The following KAZN variants were observed in gnomAD, a reference collection of about 807,000 sequenced individuals.
KAZN encodes the protein kazrin.
In KAZN, 40 loss-of-function variants were observed where a neutral mutation model predicts 87.4. That is an observed-to-expected ratio of 0.46 (90% CI 0.36 to 0.60). KAZN has a LOEUF of 0.60. Among genes scored for constraint, KAZN ranks in the 20% least tolerant of loss-of-function variants. The pLI is 0.00. For missense variants in KAZN, 898 were observed against 1,073.9 expected, an observed-to-expected ratio of 0.84 and a Z score of 2.29; for synonymous variants, 466 against 458.3, an observed-to-expected ratio of 1.02 and a Z score of -0.22.
intron 1 of KAZN, among the ~76,000 whole-genome samples, chr1:14,783,803 G>C (rs145815161): frequency 6.6e-6 from 1 of 152,170 alleles, no homozygotes. Flanking sequence ...GGGCGCACAA[G>C]AGACCTGGCC....
intron 1 of KAZN, among the ~76,000 whole-genome samples, chr1:14,032,039 A>C (rs1356866625): frequency 6.6e-6 from 1 of 152,106 alleles, no homozygotes; most frequent in Non-Finnish European, 1.5e-5. Flanking sequence ...AAGATCATCC[A>C]TACCCTCTCT....
intron 1 of KAZN, among the ~76,000 whole-genome samples, chr1:13,993,993 A>G (rs1570474744): frequency 1.3e-5 from 2 of 152,354 alleles, no homozygotes; most frequent in African/African-American, 4.8e-5. Context: ...TTTAACTTCA[A>G]ATCCATCTGG....
intron 1 of KAZN, among the ~76,000 whole-genome samples, chr1:14,909,070 G>C (rs912312609): frequency 6.6e-6 from 1 of 151,964 alleles, no homozygotes; most frequent in Non-Finnish European, 1.5e-5. Context: ...CAGTGTCCTC[G>C]GGAACATTAA....
intron 1 of KAZN, among the ~76,000 whole-genome samples, chr1:14,007,997 T>C (rs1381884037): frequency 6.6e-6 from 1 of 152,190 alleles, no homozygotes; most frequent in African/African-American, 2.4e-5. Context: ...TACTGTTTTG[T>C]CTCTAGGAGT....
At chr1:14,500,292 A>T (rs1670169558) in intron 2 of KAZN, among the ~76,000 whole-genome samples, 1 of 152,082 alleles carries the variant, frequency 6.6e-6, no homozygotes, top group South Asian at 2.1e-4. Context: ...GCAGTGGGAA[A>T]ATCTGTTTCA....
intron 8 of KAZN, among the ~76,000 whole-genome samples, chr1:15,078,893 G>A (rs1334757362): frequency 6.6e-6 from 1 of 152,180 alleles, no homozygotes; most frequent in Non-Finnish European, 1.5e-5. Flanking sequence ...AGCTGTCTTC[G>A]TTCTGAAGGA....
intron 1 of KAZN, among the ~76,000 whole-genome samples, chr1:14,920,973 A>T (rs1484181196): frequency 6.6e-6 from 1 of 152,044 alleles, no homozygotes; most frequent in Non-Finnish European, 1.5e-5. Context: ...CCCAAGACAG[A>T]TGGGTTTCTG....
At chr1:14,801,920 G>A (rs533419652) in intron 1 of KAZN, among the ~76,000 whole-genome samples, 3 of 151,972 alleles carry the variant, frequency 2.0e-5, no homozygotes, top group South Asian at 2.1e-4. Context: ...TCCTGACCTC[G>A]TAATCCGCCC....
intron 2 of KAZN, among the ~76,000 whole-genome samples, chr1:14,527,867 C>T (rs561891181): frequency 1.3e-5 from 2 of 152,232 alleles, no homozygotes; most frequent in South Asian, 4.2e-4. Context: ...TTCTATCAGG[C>T]CCCACCTCCA....
At chr1:14,460,518 A>G (rs978251532) in intron 2 of KAZN, among the ~76,000 whole-genome samples, 1 of 152,140 alleles carries the variant, frequency 6.6e-6, no homozygotes, top group Admixed American at 6.5e-5. Flanking sequence ...TTAGACCCCA[A>G]ACAAGTTTCC....
chr1:14,477,969 CT>C (rs1223052631), intron 2 of KAZN, among the ~76,000 whole-genome samples: 1 of 152,228 alleles, frequency 6.6e-6, no homozygotes. Flanking sequence ...AACGCCTCTG[CT>C]GCATGACCAG....
intron 1 of KAZN, among the ~76,000 whole-genome samples, chr1:14,845,404 G>A (rs984154780): frequency 2.6e-5 from 4 of 151,454 alleles, no homozygotes; most frequent in African/African-American, 9.7e-5. Context: ...TGGATGGATA[G>A]ATGGATGGGT....
intron 2 of KAZN, among the ~76,000 whole-genome samples, chr1:14,261,694 C>A (rs1233379350): frequency 6.6e-6 from 1 of 152,162 alleles, no homozygotes; most frequent in Non-Finnish European, 1.5e-5. Context: ...AATCACCCTC[C>A]CAGTCCGATT....
At chr1:15,047,490 G>A (rs1004572188) in intron 4 of KAZN, among the ~76,000 whole-genome samples, 3 of 152,194 alleles carry the variant, frequency 2.0e-5, no homozygotes, top group Admixed American at 2.0e-4. Context: ...GCAGCTGCAG[G>A]CCGGGCGTGG....
intron 1 of KAZN, among the ~76,000 whole-genome samples, chr1:14,765,668 G>A (rs1452254040): frequency 6.6e-6 from 1 of 152,214 alleles, no homozygotes; most frequent in Non-Finnish European, 1.5e-5. Flanking sequence ...GGTAGAAAGA[G>A]CCCCAGATCT....
At chr1:14,129,982 T>C (rs1282699267) in intron 1 of KAZN, among the ~76,000 whole-genome samples, 2 of 152,218 alleles carry the variant, frequency 1.3e-5, no homozygotes, top group African/African-American at 2.4e-5. Context: ...TGAACAAATA[T>C]AGCCAGCAAC....
intron 1 of KAZN, among the ~76,000 whole-genome samples, chr1:13,921,321 T>C (rs1237819175): frequency 6.6e-6 from 1 of 152,240 alleles, no homozygotes; most frequent in Non-Finnish European, 1.5e-5. Context: ...AGTAAATATT[T>C]CCGGCTTTGC....
intron 2 of KAZN, among the ~76,000 whole-genome samples, chr1:14,353,489 G>T (rs757686355): frequency 6.6e-6 from 1 of 152,104 alleles, no homozygotes; most frequent in Admixed American, 6.5e-5. Flanking sequence ...AAAGTGCTAG[G>T]ATTACAGGCG....
intron 2 of KAZN, among the ~76,000 whole-genome samples, chr1:14,384,728 T>C (rs1385991389): frequency 6.6e-6 from 1 of 151,656 alleles, no homozygotes; most frequent in African/African-American, 2.4e-5. Flanking sequence ...CAGTATTTTA[T>C]TGAGGATTTT....
Sources: gnomAD v4.1 joint callset for allele counts (sites outside exome capture counted in the v4.1 genomes callset) on GRCh38, gnomAD v4.1.1 for gene constraint, MANE v1.5 for transcripts, NCBI Gene and HGNC (gene_info 2026-07-23, HGNC 2026-07-21) for gene names.